The following ASIC2 variants were observed in gnomAD, a reference collection of about 807,000 sequenced individuals.
The protein encoded by ASIC2 is acid sensing ion channel subunit 2.
ASIC2 carries 25 observed loss-of-function variants against 57.3 expected under a neutral mutation model. That is an observed-to-expected ratio of 0.44 (90% CI 0.32 to 0.61). The LOEUF (loss-of-function observed/expected upper bound fraction) is 0.61. Ranked by LOEUF, ASIC2 falls within the 20% of genes least tolerant of loss-of-function variation. ASIC2 has a pLI of 0.06. For missense variants in ASIC2, 641 were observed against 738.1 expected (o/e 0.87, Z 1.52); for synonymous variants, 319 against 307.5 (o/e 1.04, Z -0.39).
chr17:33,812,662 G>T (rs73986745), intron 1 of ASIC2, among the ~76,000 whole-genome samples: 19,983 of 152,104 alleles, frequency 0.13, 1,398 homozygotes, highest in East Asian at 0.19. Context: ...AGGCTGAGGC[G>T]AGCATCAGAA....
intron 1 of ASIC2, among the ~76,000 whole-genome samples, chr17:33,500,931 C>T (rs1474425150): frequency 6.6e-6 from 1 of 152,250 alleles, no homozygotes; most frequent in African/African-American, 2.4e-5. Context: ...CGCTACAACT[C>T]TCTCTGATAT....
At position 33,304,221 on chromosome 17, in the gene ASIC2, ATC is replaced by A. The variant is rs536877943; in HGVS notation, c.556-192156_556-192155del. ...TATAAAAAGTACTGAGTAAAAAAAG[ATC>A]TGAGTCCAAAGAGCACATCCAAGCA... On this transcript the variant is annotated intron_variant, in intron 1 of 9. Transcript: ENST00000359872. Among the ~76,000 whole-genome samples the A allele has an allele frequency of 6.0e-4, 91 of 152,356 alleles. No individual in the cohort carries two copies. The East Asian group carries it at 0.017, about 29-fold the overall frequency.
intron 1 of ASIC2, among the ~76,000 whole-genome samples, chr17:33,402,149 C>G (rs770452147): frequency 1.3e-5 from 2 of 152,122 alleles, no homozygotes; most frequent in Non-Finnish European, 2.9e-5. Flanking sequence ...TAGGCTGGAG[C>G]TGAGGGGTTA....
At chr17:33,364,413 C>T (rs1908727295) in intron 1 of ASIC2, among the ~76,000 whole-genome samples, 1 of 152,190 alleles carries the variant, frequency 6.6e-6, no homozygotes, top group Non-Finnish European at 1.5e-5. Flanking sequence ...TGGTGTCTGA[C>T]ATGGTTTAGC....
rs77310302 is a variant in ASIC2, at chr17:33,908,160, C to T, written c.555+247818G>A. Among the ~76,000 whole-genome samples, 64 of 152,254 alleles carry T rather than the reference C, an allele frequency of 4.2e-4. No homozygotes were observed. The East Asian group carries it at 0.011, about 25-fold the overall frequency. On this transcript the variant is annotated intron_variant, in intron 1 of 9. Coordinates refer to the ASIC2 transcript ENST00000359872. ...AACCCCCTTTGAGAAATTCTGTGCC[C>T]GCTGTATTCTTAGAGACACGGACCC...
intron 1 of ASIC2, chr17:33,936,127 G>C (rs116143253): frequency 2.3e-4 from 35 of 152,390 alleles, no homozygotes; most frequent in African/African-American, 7.7e-4. Context: ...TGTGGGGTGC[G>C]GGGGCGTTTG....
chr17:33,407,687 A>C (rs1278273562), intron 1 of ASIC2, among the ~76,000 whole-genome samples: 1 of 152,268 alleles, frequency 6.6e-6, no homozygotes, highest in Non-Finnish European at 1.5e-5. Flanking sequence ...TTTGAGCTTC[A>C]GGCCTTTGCA....
intron 3 of ASIC2, among the ~76,000 whole-genome samples, chr17:33,039,151 C>A (rs1241770379): frequency 6.6e-6 from 1 of 152,124 alleles, no homozygotes. Flanking sequence ...CACCTGATAC[C>A]CACCTGGCTC....
chr17:33,579,671 A>T (rs554819430), intron 1 of ASIC2, among the ~76,000 whole-genome samples: 4 of 152,108 alleles, frequency 2.6e-5, no homozygotes, highest in African/African-American at 7.2e-5. Context: ...CTGGTCTGGC[A>T]GACTTCTAGA....
At chr17:33,469,552 C>A (rs775759432) in intron 1 of ASIC2, among the ~76,000 whole-genome samples, 2 of 152,122 alleles carry the variant, frequency 1.3e-5, no homozygotes, top group African/African-American at 2.4e-5. Flanking sequence ...CATGAGTAAT[C>A]CTTGCATGGA....
intron 3 of ASIC2, among the ~76,000 whole-genome samples, chr17:33,035,899 AC>A (rs1369370121): frequency 6.6e-6 from 1 of 152,156 alleles, no homozygotes; most frequent in Non-Finnish European, 1.5e-5. Flanking sequence ...CTTTCTGGCA[AC>A]CCTGAATACT....
chr17:33,852,547 T>C (rs535916830), intron 1 of ASIC2, among the ~76,000 whole-genome samples: 1 of 152,316 alleles, frequency 6.6e-6, no homozygotes, highest in South Asian at 2.1e-4. Context: ...CCATCTACAC[T>C]TAATAATTTT....
At chr17:33,965,539 C>G (rs1389037761) in intron 1 of ASIC2, among the ~76,000 whole-genome samples, 1 of 152,150 alleles carries the variant, frequency 6.6e-6, no homozygotes, top group Non-Finnish European at 1.5e-5. Context: ...GTTGTTCCGG[C>G]CTCCCATACA....
At chr17:33,152,956 G>C (rs1025322644) in intron 1 of ASIC2, among the ~76,000 whole-genome samples, 1 of 152,184 alleles carries the variant, frequency 6.6e-6, no homozygotes, top group Non-Finnish European at 1.5e-5. Flanking sequence ...GTCACCCCTG[G>C]GGTTTCTCTT....
In ASIC2 at chr17:33,013,684, G is replaced by C. The variant is rs1598232585; in HGVS notation, c.*281C>G. 1.1e-5 allele frequency: 5 copies of C among 452,748 alleles called. No individual in the cohort carries two copies. In the South Asian group the frequency reaches 1.5e-4, roughly 14 times the overall value. 28.0% of individuals were successfully genotyped at this position (452,748 alleles called of 1,614,324 possible). ...CGCCACAAGAAGTCTGAGCATGCAG[G>C]TGCTTTATACATCTGGCAGTGAGAT... On this transcript the variant is annotated 3_prime_UTR_variant, in exon 10 of 10. Coordinates refer to ENST00000225823, the MANE Select transcript of ASIC2 (RefSeq NM_183377.2).
intron 1 of ASIC2, among the ~76,000 whole-genome samples, chr17:33,470,153 G>A (rs1186774053): frequency 1.3e-5 from 2 of 152,182 alleles, no homozygotes; most frequent in African/African-American, 2.4e-5. Context: ...GTCTGAACTA[G>A]GCCATGTAGG....
intron 3 of ASIC2, among the ~76,000 whole-genome samples, chr17:33,085,166 C>T (rs567782482): frequency 2.0e-5 from 3 of 152,268 alleles, no homozygotes; most frequent in Admixed American, 6.5e-5. Context: ...CTACTTCCTA[C>T]GACTTGTCCC....
intron 1 of ASIC2, among the ~76,000 whole-genome samples, chr17:33,688,416 A>G (rs1908262116): frequency 6.6e-6 from 1 of 152,128 alleles, no homozygotes; most frequent in African/African-American, 2.4e-5. Flanking sequence ...ATAGTTTCCG[A>G]CAGAATGAAT....
intron 1 of ASIC2, among the ~76,000 whole-genome samples, chr17:33,789,464 T>TCTCTCA (rs145766933): frequency 1.1e-4 from 16 of 144,414 alleles, no homozygotes; most frequent in Admixed American, 1.4e-4. Context: ...AGAATCATGG[T>TCTCTCA]CACACACACA....
Sources: gnomAD v4.1 joint callset for allele counts (sites outside exome capture counted in the v4.1 genomes callset) on GRCh38, gnomAD v4.1.1 for gene constraint, MANE v1.5 for transcripts, NCBI Gene and HGNC (gene_info 2026-07-23, HGNC 2026-07-21) for gene names.